ZSWIM6: variants seen among roughly 807,000 people sequenced by gnomAD.
The protein encoded by ZSWIM6 is zinc finger SWIM domain-containing protein 6.
ZSWIM6 carries 9 observed loss-of-function variants against 113.2 expected under a neutral mutation model. The ratio of observed to expected loss-of-function variants is 0.08; its 90% CI spans 0.05 to 0.14. The LOEUF is 0.14. Ranked by LOEUF, ZSWIM6 falls within the 10% of genes least tolerant of loss-of-function variation. The pLI is 1.00. For missense variants in ZSWIM6, 1,162 were observed against 1,552.2 expected (o/e 0.75, Z 4.22); for synonymous variants, 611 against 606.5 (o/e 1.01, Z -0.11).
chr5:61,369,900 C>T (rs1486821680), intron 1 of ZSWIM6, among the ~76,000 whole-genome samples: 4 of 152,048 alleles, frequency 2.6e-5, no homozygotes, highest in African/African-American at 9.7e-5. Context: ...TTCCTCTTCC[C>T]ACAGATATTT....
intron 1 of ZSWIM6, among the ~76,000 whole-genome samples, chr5:61,439,435 A>G (rs1746777832): frequency 6.6e-6 from 1 of 152,252 alleles, no homozygotes; most frequent in Non-Finnish European, 1.5e-5. Flanking sequence ...TAGGGTTTTT[A>G]AGCTAAAAGG....
At chr5:61,504,647 C>T (rs77936637) in intron 4 of ZSWIM6, among the ~76,000 whole-genome samples, 23,705 of 152,058 alleles carry the variant, frequency 0.16, 1,957 homozygotes, top group Non-Finnish European at 0.18. Flanking sequence ...AAGTGTCTAC[C>T]GGACCATCAG....
chr5:61,488,210 C>T (rs1410449075), intron 2 of ZSWIM6, among the ~76,000 whole-genome samples: 1 of 151,938 alleles, frequency 6.6e-6, no homozygotes, highest in African/African-American at 2.4e-5. Flanking sequence ...GGTGTAAAAC[C>T]CATTTGATCA....
intron 4 of ZSWIM6, among the ~76,000 whole-genome samples, chr5:61,520,806 C>T (rs1207091142): frequency 6.6e-6 from 1 of 152,028 alleles, no homozygotes; most frequent in African/African-American, 2.4e-5. Flanking sequence ...AATTTTTGTG[C>T]AGAACCATTT....
intron 1 of ZSWIM6, among the ~76,000 whole-genome samples, chr5:61,346,863 T>A (rs1361843192): frequency 6.6e-6 from 1 of 152,214 alleles, no homozygotes; most frequent in African/African-American, 2.4e-5. Flanking sequence ...TGACTACTAC[T>A]GTGGGGGAAA....
chr5:61,478,588 G>A (rs963937285), intron 2 of ZSWIM6, among the ~76,000 whole-genome samples: 58 of 152,032 alleles, frequency 3.8e-4, no homozygotes, highest in Non-Finnish European at 7.9e-4. Context: ...ATATTTCATA[G>A]TATGGATATA....
At chr5:61,538,763 G>A in intron 10 of ZSWIM6, 51 bp from the exon 11 acceptor site, 2 of 1,513,280 alleles carry the variant, frequency 1.3e-6, no homozygotes, top group South Asian at 1.3e-5. Flanking sequence ...TCTGGCCAAG[G>A]ACATGGTCAA....
chr5:61,368,749 A>T (rs146067508), intron 1 of ZSWIM6, among the ~76,000 whole-genome samples: 1 of 152,218 alleles, frequency 6.6e-6, no homozygotes, highest in Non-Finnish European at 1.5e-5. Flanking sequence ...TATTTTGATC[A>T]CATTGCTTGC....
chr5:61,528,618 C>T (rs377451378), intron 7 of ZSWIM6, among the ~76,000 whole-genome samples: 28 of 149,990 alleles, frequency 1.9e-4, no homozygotes, highest in South Asian at 2.1e-4. Flanking sequence ...CATGGAGTCT[C>T]GCCCTGTCCC....
intron 1 of ZSWIM6, among the ~76,000 whole-genome samples, chr5:61,471,049 G>A (rs1747558493): frequency 6.6e-6 from 1 of 152,160 alleles, no homozygotes; most frequent in Admixed American, 6.5e-5. Context: ...CCGTTCCAGA[G>A]TCCCCACATG....
At chr5:61,538,663 C>A in intron 10 of ZSWIM6, 151 bp from the exon 11 acceptor site, 1 of 785,976 alleles carries the variant, frequency 1.3e-6, no homozygotes, top group Non-Finnish European at 1.9e-6. Context: ...TTTGCACCCA[C>A]ACAGCAGAGT....
intron 4 of ZSWIM6, among the ~76,000 whole-genome samples, chr5:61,521,021 A>G (rs1389746789): frequency 6.6e-6 from 1 of 151,652 alleles, no homozygotes; most frequent in Non-Finnish European, 1.5e-5. Flanking sequence ...CTTTCAATAA[A>G]CTCTCTGTGG....
At chr5:61,530,020 C>A (rs1484557950) in intron 7 of ZSWIM6, 32 bp from the exon 8 acceptor site, 1 of 1,520,036 alleles carries the variant, frequency 6.6e-7, no homozygotes, top group South Asian at 1.3e-5. Context: ...CCCTTCTACT[C>A]CCCCATTTCT....
intron 1 of ZSWIM6, chr5:61,391,898 C>T (rs1253136883): frequency 5.1e-6 from 3 of 590,900 alleles, no homozygotes; most frequent in East Asian, 5.8e-5. Flanking sequence ...GCCGGTAGAG[C>T]AAAAAATGGT....
At chr5:61,391,543 A>T in intron 1 of ZSWIM6, 1 of 1,002,568 alleles carries the variant, frequency 1.0e-6, no homozygotes, top group Non-Finnish European at 1.6e-6. Context: ...TGCATCGCTG[A>T]TGTGCTCAGC....
intron 1 of ZSWIM6, among the ~76,000 whole-genome samples, chr5:61,414,431 T>C (rs924576782): frequency 1.3e-5 from 2 of 152,154 alleles, no homozygotes; most frequent in Non-Finnish European, 2.9e-5. Flanking sequence ...GGGTTTAGTT[T>C]TGGACCTGAG....
intron 2 of ZSWIM6, among the ~76,000 whole-genome samples, chr5:61,483,116 C>G (rs1202060766): frequency 6.6e-6 from 1 of 152,066 alleles, no homozygotes; most frequent in Non-Finnish European, 1.5e-5. Flanking sequence ...ACTGAGAAGT[C>G]CAAGGTTGAG....
chr5:61,332,957 C>T lies in ZSWIM6; in HGVS notation c.676+9C>T, dbSNP rs1224170083. 1.5e-5 allele frequency: 19 copies of T among 1,256,224 alleles called. No individual in the cohort carries two copies. The highest frequency in any genetic ancestry group is 1.9e-5 in the Non-Finnish European group (19 of 988,174). 77.8% of individuals were successfully genotyped at this position (1,256,224 alleles called of 1,614,324 possible). A position where few individuals can be genotyped will look rare whatever the true frequency, so the allele number is the denominator to read the frequency against. ...CAACGTCCTGCAAGTCGGTGAGTCA[C>T]GGGGCAGCCGCGAGCCGTCTGTCCG... On this transcript the variant is annotated intron_variant, in intron 1 of 13. Coordinates refer to ENST00000252744, the MANE Select transcript of ZSWIM6 (RefSeq NM_020928.2).
intron 7 of ZSWIM6, among the ~76,000 whole-genome samples, chr5:61,527,148 G>A (rs983978654): frequency 1.9e-4 from 29 of 152,152 alleles, no homozygotes; most frequent in African/African-American, 6.0e-4. Context: ...AATAGTAATT[G>A]CAAAGGGTTG....
Sources: gnomAD v4.1 joint callset for allele counts (sites outside exome capture counted in the v4.1 genomes callset) on GRCh38, gnomAD v4.1.1 for gene constraint, MANE v1.5 for transcripts, NCBI Gene and HGNC (gene_info 2026-07-23, HGNC 2026-07-21) for gene names.